The following MYO18B variants were observed in gnomAD, a reference collection of about 807,000 sequenced individuals.
The protein encoded by MYO18B is myosin XVIIIB.
A neutral mutation model predicts 273.0 loss-of-function variants in MYO18B; 204 were observed. The ratio of observed to expected loss-of-function variants is 0.75; its 90% CI spans 0.67 to 0.84. MYO18B has a LOEUF of 0.84. Among genes scored for constraint, MYO18B ranks in the 40% least tolerant of loss-of-function variants. MYO18B has a pLI of 0.00. For missense variants in MYO18B, 3,212 were observed against 3,287.6 expected (o/e 0.98, Z 0.56); for synonymous variants, 1,330 against 1,305.7 (o/e 1.02, Z -0.40).
chr22:25,753,557 T>C (rs2086013369), intron 1 of MYO18B, among the ~76,000 whole-genome samples: 2 of 152,188 alleles, frequency 1.3e-5, no homozygotes, highest in Non-Finnish European at 2.9e-5. Flanking sequence ...GGTTGTGTTT[T>C]CGCTCTTTGC....
At chr22:25,794,652 C>G (rs955114815) in intron 11 of MYO18B, among the ~76,000 whole-genome samples, 2 of 151,986 alleles carry the variant, frequency 1.3e-5, no homozygotes, top group South Asian at 4.2e-4. Flanking sequence ...CTACAGGTGC[C>G]CGCCACTTCG....
chr22:25,891,278 T>C, intron 26 of MYO18B, 26 bp from the exon 27 acceptor site: 1 of 1,473,044 alleles, frequency 6.8e-7, no homozygotes, highest in Non-Finnish European at 9.3e-7. Flanking sequence ...CCAGCTCTAG[T>C]TTAGACCTTG....
intron 15 of MYO18B, among the ~76,000 whole-genome samples, chr22:25,830,640 GTT>G (rs2089672599): frequency 6.6e-6 from 1 of 152,204 alleles, no homozygotes; most frequent in African/African-American, 2.4e-5. Context: ...GCTGGGCAGG[GTT>G]CCAAGAGAGC....
intron 39 of MYO18B, among the ~76,000 whole-genome samples, chr22:25,968,007 C>T (rs1351676071): frequency 1.3e-5 from 2 of 152,188 alleles, no homozygotes; most frequent in Non-Finnish European, 2.9e-5. Context: ...AGCACACCAC[C>T]GACTGAATCC....
chr22:25,832,593 G>C (rs1372929287), intron 15 of MYO18B, among the ~76,000 whole-genome samples: 1 of 152,210 alleles, frequency 6.6e-6, no homozygotes, highest in Non-Finnish European at 1.5e-5. Flanking sequence ...GGCACAGAAA[G>C]TAGGATGCTG....
chr22:25,997,447 C>A (rs1358959593), intron 40 of MYO18B, among the ~76,000 whole-genome samples: 1 of 152,106 alleles, frequency 6.6e-6, no homozygotes, highest in Non-Finnish European at 1.5e-5. Context: ...TCGCAAGCCC[C>A]TGAAGCCAGC....
At chr22:25,953,699 A>G (rs959640738) in intron 38 of MYO18B, 2 of 152,260 alleles carry the variant, frequency 1.3e-5, no homozygotes, top group South Asian at 4.1e-4. Flanking sequence ...GTTGGGCTAT[A>G]TCACATGCCA....
chr22:26,034,377 C>G (rs1415263888), downstream of MYO18B, among the ~76,000 whole-genome samples: 1 of 152,214 alleles, frequency 6.6e-6, no homozygotes, highest in Non-Finnish European at 1.5e-5. Context: ...CTCTGTGTGA[C>G]CTCACAGATG....
In MYO18B at chr22:25,785,455, A is replaced by G; in HGVS notation, c.2340A>G (p.Ala780=). The G allele has an allele frequency of 6.2e-7, 1 of 1,612,018 alleles. No homozygotes were observed. The highest frequency in any genetic ancestry group is 8.5e-7 in the Non-Finnish European group (1 of 1,179,146). The change falls in exon 11 of 44, where the codon GCA becomes GCG. Residue 780 remains alanine, a synonymous_variant. Coordinates refer to ENST00000335473, the MANE Select transcript of MYO18B (RefSeq NM_032608.7). The stretch of plus-strand genomic sequence containing the variant: ...CGGAGCTGAACCTGCACCAGATGGC[A>G]GATAGCAGCTCCTTTGGCATGGGCG... The part of the protein sequence containing the change: ...LRTELNLHQM[A]DSSSFGMGVW...
chr22:25,841,850 C>G (rs2094597619), intron 17 of MYO18B, among the ~76,000 whole-genome samples: 1 of 152,212 alleles, frequency 6.6e-6, no homozygotes, highest in Non-Finnish European at 1.5e-5. Flanking sequence ...TAAACAGATA[C>G]CTGTAGCATT....
At chr22:26,007,002 T>C (rs1255096465) in intron 42 of MYO18B, among the ~76,000 whole-genome samples, 1 of 152,180 alleles carries the variant, frequency 6.6e-6, no homozygotes, top group Non-Finnish European at 1.5e-5. Context: ...AAGGTGGGTC[T>C]TCAGCATCTC....
chr22:25,918,273 A>G (rs1278128008), intron 33 of MYO18B, among the ~76,000 whole-genome samples: 1 of 152,188 alleles, frequency 6.6e-6, no homozygotes, highest in Non-Finnish European at 1.5e-5. Context: ...CTTCTAGACC[A>G]TATTTTAATA....
At chr22:25,746,945 C>G (rs989139411) in intron 1 of MYO18B, among the ~76,000 whole-genome samples, 3 of 152,060 alleles carry the variant, frequency 2.0e-5, no homozygotes, top group Admixed American at 6.5e-5. Flanking sequence ...CACGGTGAAA[C>G]CCCGTCTCTA....
intron 29 of MYO18B, chr22:25,900,982 T>C (rs1026599855): frequency 2.0e-5 from 3 of 152,244 alleles, no homozygotes; most frequent in African/African-American, 4.8e-5. Flanking sequence ...ATAACATGTT[T>C]CTTGCTGAAC....
intron 32 of MYO18B, 140 bp from the exon 33 acceptor site, chr22:25,910,806 A>G (rs528607170): frequency 3.4e-4 from 227 of 661,602 alleles, no homozygotes; most frequent in Admixed American, 5.0e-4. Context: ...CAGAGACACT[A>G]CCACCCAATC....
In MYO18B at chr22:25,947,770, A is replaced by G. The variant is rs764391508; in HGVS notation, c.5690A>G (p.Asp1897Gly). The change falls in exon 36 of 44, where the codon GAT becomes GGT. Residue 1897 changes from aspartate to glycine, a missense_variant. Transcript: ENST00000335473. ...FEKADLLKRI[D>G]EDQDDLNELM... ...AAGGCGGACCTCCTGAAGCGCATCG[A>G]TGAGGACCAGGATGACCTGAATGAG... 11 of 1,613,880 alleles carry G rather than the reference A, an allele frequency of 6.8e-6. No homozygotes were observed. The South Asian group carries it at 8.8e-5, about 13-fold the overall frequency.
intron 32 of MYO18B, among the ~76,000 whole-genome samples, chr22:25,909,796 C>T (rs2092119885): frequency 6.6e-6 from 1 of 152,154 alleles, no homozygotes; most frequent in Non-Finnish European, 1.5e-5. Flanking sequence ...CTCACGTTGG[C>T]AGGAAATCAA....
chr22:25,746,410 G>T (rs765299546), intron 1 of MYO18B, among the ~76,000 whole-genome samples: 11 of 152,178 alleles, frequency 7.2e-5, no homozygotes, highest in Non-Finnish European at 2.9e-5. Context: ...CAGGGTTCTA[G>T]ACCAGTGTCA....
rs2090295320 is a variant in MYO18B at position 25,847,650 on chromosome 22, C to T, written c.3773C>T (p.Thr1258Ile). 3 of 1,554,112 alleles carry T rather than the reference C, an allele frequency of 1.9e-6. No individual in the cohort carries two copies. The highest frequency in any genetic ancestry group is 1.7e-6 in the Non-Finnish European group (2 of 1,149,112). The part of the protein sequence containing the change: ...HILEALRLHR[T>I]GYADHMGLTR... ...CTGGAGGCTCTGCGTCTGCATAGGA[C>T]AGGTAAGAGACAGCTAGGACACAGC... Residue 1258 changes from threonine (T) to isoleucine (I), a missense_variant and splice_region_variant, in exon 20 of 44, where the codon ACA becomes ATA. Physicochemically the swap from Thr to Ile is moderately conservative, Grantham distance 89. Coordinates refer to ENST00000335473, the MANE Select transcript of MYO18B (RefSeq NM_032608.7).
Sources: allele counts gnomAD v4.1 joint callset (sites outside exome capture counted in the v4.1 genomes callset), GRCh38; gene constraint gnomAD v4.1.1; transcripts MANE v1.5; gene names NCBI Gene and HGNC (gene_info 2026-07-23, HGNC 2026-07-21).